The following PPP1R12B variants were observed in gnomAD, a reference collection of about 807,000 sequenced individuals.
PPP1R12B encodes the protein myosin phosphatase target subunit 2.
A neutral mutation model predicts 126.1 loss-of-function variants in PPP1R12B; 76 were observed. The ratio of observed to expected loss-of-function variants is 0.60; its 90% CI spans 0.50 to 0.73. PPP1R12B has a LOEUF of 0.73. PPP1R12B is among the 30% of genes least tolerant of loss of function. PPP1R12B has a pLI of 0.00. For synonymous variants in PPP1R12B, 356 were observed against 434.7 expected (o/e 0.82, Z 2.25); for missense variants, 1,052 against 1,205.1 (o/e 0.87, Z 1.88).
chr1:202,434,803 T>C (rs1670594222), intron 9 of PPP1R12B, 35 bp downstream of exon 9: 1 of 1,610,828 alleles, frequency 6.2e-7, no homozygotes, highest in Non-Finnish European at 8.5e-7. Context: ...GAATTAGATT[T>C]CACCCTACTG....
chr1:202,440,642 C>A, intron 10 of PPP1R12B, 64 bp from the exon 11 acceptor site: 1 of 1,251,000 alleles, frequency 8.0e-7, no homozygotes, highest in Non-Finnish European at 1.2e-6. Flanking sequence ...CTTTTTTACT[C>A]AAAATGTTTT....
At chr1:202,394,440 T>C (rs1055934444) in intron 1 of PPP1R12B, among the ~76,000 whole-genome samples, 2 of 152,118 alleles carry the variant, frequency 1.3e-5, no homozygotes, top group Non-Finnish European at 2.9e-5. Flanking sequence ...ATATACTCTG[T>C]GTTACTAGAT....
chr1:202,563,561 T>C (rs1404577230), intron 20 of PPP1R12B, among the ~76,000 whole-genome samples: 1 of 151,786 alleles, frequency 6.6e-6, no homozygotes, highest in Non-Finnish European at 1.5e-5. Flanking sequence ...TAGACTGTTA[T>C]TTTTAACAAA....
At chr1:202,393,715 G>T (rs188348140) in intron 1 of PPP1R12B, among the ~76,000 whole-genome samples, 1 of 152,162 alleles carries the variant, frequency 6.6e-6, no homozygotes, top group African/African-American at 2.4e-5. Flanking sequence ...TATAAATGGG[G>T]GAATGGTTAG....
intron 1 of PPP1R12B, among the ~76,000 whole-genome samples, chr1:202,381,255 C>T (rs1472051519): frequency 1.3e-5 from 2 of 151,978 alleles, no homozygotes; most frequent in Admixed American, 6.6e-5. Flanking sequence ...GCAAGAGTCC[C>T]TAGTGATTAT....
chr1:202,392,787 A>G (rs535039153), intron 1 of PPP1R12B, among the ~76,000 whole-genome samples: 4 of 152,054 alleles, frequency 2.6e-5, no homozygotes, highest in South Asian at 2.1e-4. Context: ...TAAGCCTCCC[A>G]TAAGTGCTGG....
At chr1:202,480,955 A>G (rs1021691160) in intron 13 of PPP1R12B, among the ~76,000 whole-genome samples, 4 of 152,100 alleles carry the variant, frequency 2.6e-5, no homozygotes, top group East Asian at 1.9e-4. Flanking sequence ...ATGGAAGACA[A>G]TTTTTCCACA....
chr1:202,511,383 AT>A (rs1681489380), intron 18 of PPP1R12B, among the ~76,000 whole-genome samples: 1 of 151,510 alleles, frequency 6.6e-6, no homozygotes, highest in Non-Finnish European at 1.5e-5. Context: ...TGCCCGGCTA[AT>A]TTTTTTGTAT....
At chr1:202,375,104 G>T (rs1170524411) in intron 1 of PPP1R12B, among the ~76,000 whole-genome samples, 1 of 151,928 alleles carries the variant, frequency 6.6e-6, no homozygotes, top group Admixed American at 6.6e-5. Context: ...CACCACGCCC[G>T]GCTAATTTTT....
chr1:202,467,258 T>C (rs1195130670), intron 13 of PPP1R12B, among the ~76,000 whole-genome samples: 1 of 151,478 alleles, frequency 6.6e-6, no homozygotes, highest in Non-Finnish European at 1.5e-5. Context: ...AGTTTTAGGG[T>C]ACATGTGCAG....
intron 23 of PPP1R12B, among the ~76,000 whole-genome samples, chr1:202,569,844 C>T (rs928128008): frequency 2.0e-5 from 3 of 152,152 alleles, no homozygotes; most frequent in African/African-American, 7.2e-5. Context: ...CCTCCATTAG[C>T]CACTTTAATG....
chr1:202,452,209 T>G (rs1381134527), intron 13 of PPP1R12B, among the ~76,000 whole-genome samples: 2 of 150,346 alleles, frequency 1.3e-5, no homozygotes, highest in African/African-American at 4.9e-5. Context: ...AGCTGGGAGG[T>G]GGAGGTTGTA....
intron 19 of PPP1R12B, among the ~76,000 whole-genome samples, chr1:202,562,139 A>C (rs1558376957): frequency 6.6e-6 from 1 of 152,364 alleles, no homozygotes; most frequent in East Asian, 1.9e-4. Context: ...TAAAACCACT[A>C]TCAACTCTAA....
At chr1:202,557,752 A>T (rs531139266) in intron 18 of PPP1R12B, among the ~76,000 whole-genome samples, 2 of 152,372 alleles carry the variant, frequency 1.3e-5, no homozygotes, top group Non-Finnish European at 2.9e-5. Context: ...GTGCAGGATT[A>T]TTCTGATGAG....
chr1:202,373,757 A>G (rs958587529), intron 1 of PPP1R12B, among the ~76,000 whole-genome samples: 60 of 151,364 alleles, frequency 4.0e-4, no homozygotes, highest in African/African-American at 1.5e-3. Flanking sequence ...GAATTTTCTT[A>G]TTTCTAGTTT....
chr1:202,579,315 C>T (rs1424769320), intron 23 of PPP1R12B, among the ~76,000 whole-genome samples: 1 of 152,214 alleles, frequency 6.6e-6, no homozygotes, highest in African/African-American at 2.4e-5. Context: ...CCTCATAACA[C>T]CTCAGCACAG....
At position 202,508,330 on chromosome 1, in the gene PPP1R12B, T is replaced by C. The variant is rs955941486; in HGVS notation, c.2490+11508T>C. 2.0e-5 allele frequency among the ~76,000 whole-genome samples: 3 copies of C among 152,232 alleles called. No homozygotes were observed. The highest frequency in any genetic ancestry group is 7.2e-5 in the African/African-American group (3 of 41,464). The stretch of plus-strand genomic sequence containing the variant: ...TGTACTTTTAAGAAACTCTTAACTT[T>C]TTTATAGTTTAAATTTTTAAAAATG... On this transcript the variant is annotated intron_variant, in intron 18 of 23. Coordinates refer to ENST00000608999, the MANE Select transcript of PPP1R12B (RefSeq NM_002481.4). This position sits in a 1 kb window ranked among gnomAD's most constrained non-coding sequence, Gnocchi z 4.5.
At chr1:202,363,172 T>C (rs530704118) in intron 1 of PPP1R12B, among the ~76,000 whole-genome samples, 1 of 152,284 alleles carries the variant, frequency 6.6e-6, no homozygotes, top group South Asian at 2.1e-4. Context: ...GATCTGTTAT[T>C]AATTTTGGGG....
chr1:202,548,091 G>A (rs932724109), intron 18 of PPP1R12B, among the ~76,000 whole-genome samples: 2 of 152,228 alleles, frequency 1.3e-5, no homozygotes, highest in Non-Finnish European at 2.9e-5. Context: ...GAGAAGTTAA[G>A]TAATCATGTA....
Sources: gnomAD v4.1 joint callset for allele counts (sites outside exome capture counted in the v4.1 genomes callset) on GRCh38, gnomAD v4.1.1 for gene constraint, Gnocchi (gnomAD v3.1) non-coding constraint, MANE v1.5 for transcripts, NCBI Gene and HGNC (gene_info 2026-07-23, HGNC 2026-07-21) for gene names.